ADGRG1: variants seen among roughly 807,000 people sequenced by gnomAD.
The protein encoded by ADGRG1 is 7-transmembrane protein with no EGF-like N-terminal domains-1.
ADGRG1 carries 53 observed loss-of-function variants against 73.5 expected under a neutral mutation model. The ratio of observed to expected loss-of-function variants is 0.72; its 90% CI spans 0.58 to 0.91. The LOEUF is 0.91. Ranked by LOEUF, ADGRG1 falls within the 40% of genes least tolerant of loss-of-function variation. The probability of loss-of-function intolerance (pLI) is 0.00; values close to 1 mark genes in which losing one functional copy is unlikely to be tolerated. For missense variants in ADGRG1, 795 were observed against 871.8 expected (o/e 0.91, Z 1.11); for synonymous variants, 394 against 374.4 (o/e 1.05, Z -0.60).
In ADGRG1 at chr16:57,653,209, C is replaced by A. The variant is rs780179343; in HGVS notation, c.494C>A (p.Pro165His). The A allele has an allele frequency of 1.9e-6, 3 of 1,609,030 alleles. No homozygotes were observed. In the African/African-American group the frequency reaches 4.0e-5, roughly 21 times the overall value. ...CTGTCCACCCCTCCCCCAGGTCCTC[C>A]CCACACGGCCGCTCACAATGCCTCG... Reference protein sequence around the residue: ...ASFTFSFHSPPHTAAHNASVD... With the variant: ...ASFTFSFHSPHHTAAHNASVD... Residue 165 changes from proline (P) to histidine (H), a missense_variant, in exon 4 of 14, where the codon CCC becomes CAC. Coordinates refer to ENST00000562631, the MANE Select transcript of ADGRG1 (RefSeq NM_201525.4).
At chr16:57,635,743 G>A in intron 1 of ADGRG1, 1 of 985,320 alleles carries the variant, frequency 1.0e-6, no homozygotes, top group Non-Finnish European at 1.2e-6. Flanking sequence ...CCATGTCGTT[G>A]CCAGGGCATG....
rs939823789 is a variant in ADGRG1, at chr16:57,658,225, C to T, written c.1286+734C>T. Among the ~76,000 whole-genome samples, 8 of 152,216 alleles carry T rather than the reference C, an allele frequency of 5.3e-5. No homozygotes were observed. The East Asian group carries it at 1.2e-3, about 22-fold the overall frequency. On this transcript the variant is annotated intron_variant, in intron 10 of 13. Transcript: ENST00000562631. ...TCACAGCGGTAATGATCATACTTAACGTGTGTCAAACTTCCCGTGTGCCAT... is the reference window on the plus strand; with the variant it reads ...TCACAGCGGTAATGATCATACTTAATGTGTGTCAAACTTCCCGTGTGCCAT...
In ADGRG1 at chr16:57,659,467, C is replaced by T; in HGVS notation, c.1341C>T (p.Val447=). 2 of 1,613,932 alleles carry T rather than the reference C, an allele frequency of 1.2e-6. No homozygotes were observed. Among genetic ancestry groups the T allele is most frequent in the Non-Finnish European group, 1.7e-6 (2 of 1,179,976 alleles). ...IKVHMNLLLA[V]FLLDTSFLLS... ...TGCACATGAACCTGCTGCTGGCCGT[C>T]TTCCTGCTGGACACGAGCTTCCTGC... The change falls in exon 11 of 14, where the codon GTC becomes GTT. Residue 447 remains valine, a synonymous_variant. Transcript: ENST00000562631.
At chr16:57,663,157 C>T in intron 13 of ADGRG1, 2 of 886,312 alleles carry the variant, frequency 2.3e-6, no homozygotes, top group Non-Finnish European at 2.7e-6. Context: ...AGCCCTGGCT[C>T]AGCCACGTCC....
chr16:57,646,954 G>A (rs2148038522), intron 1 of ADGRG1: 2 of 985,262 alleles, frequency 2.0e-6, no homozygotes, highest in Non-Finnish European at 2.4e-6. Context: ...TTGGTACTGA[G>A]CGCCTGATGG....
At chr16:57,620,921 G>C (rs2034668767) in exon 1 of ADGRG1, 1 of 152,334 alleles carries the variant, frequency 6.6e-6, no homozygotes, top group Non-Finnish European at 1.5e-5. Flanking sequence ...CTCCCCTGCT[G>C]TCCAGGCCTG....
At chr16:57,642,595 C>A in intron 1 of ADGRG1, 1 of 967,780 alleles carries the variant, frequency 1.0e-6, no homozygotes, top group Non-Finnish European at 1.2e-6. Context: ...CTTATCAGAG[C>A]CTTTGATATG....
chr16:57,662,092 G>T lies in ADGRG1; in HGVS notation c.1933+127G>T, dbSNP rs1597683175. On this transcript the variant is annotated intron_variant, in intron 13 of 13. Transcript: ENST00000562631. ...GCCTCAGTCATCCCATTCATAAAAT[G>T]GGGACATCCAGGCCACAGTCAACAA... The T allele has an allele frequency of 3.8e-5, 31 of 808,828 alleles. No individual in the cohort carries two copies. In the East Asian group the frequency reaches 7.7e-4, roughly 20 times the overall value. The allele number at this position is 808,828 out of a possible 1,614,324, so 50.1% of individuals were successfully genotyped here.
At chr16:57,623,838 T>C (rs1390618035), upstream of ADGRG1, 43 of 985,030 alleles carry the variant, frequency 4.4e-5, no homozygotes, top group Non-Finnish European at 5.1e-5. Context: ...CCACAGGAGA[T>C]AGCAGGGAGG....
chr16:57,634,451 C>T (rs1357435136), intron 1 of ADGRG1: 4 of 985,352 alleles, frequency 4.1e-6, no homozygotes, highest in Non-Finnish European at 4.8e-6. Context: ...CAAACTTCCG[C>T]CCCTGGGGCA....
At chr16:57,650,731 C>T (rs1341200820) in intron 2 of ADGRG1, among the ~76,000 whole-genome samples, 16 of 107,218 alleles carry the variant, frequency 1.5e-4, no homozygotes, top group South Asian at 2.9e-4. Flanking sequence ...TTTTTTGAGA[C>T]GGAGTCTTGC....
upstream of ADGRG1, chr16:57,628,254 G>C: frequency 1.1e-6 from 1 of 886,794 alleles, no homozygotes; most frequent in Non-Finnish European, 1.4e-6. Context: ...GGGGGTGGGC[G>C]GACAGCATCC....
rs776564998 is a variant in ADGRG1, at chr16:57,660,860, G to A, written c.1648G>A (p.Val550Ile). 1.9e-5 allele frequency: 30 copies of A among 1,591,806 alleles called. No individual in the cohort carries two copies. The highest frequency in any genetic ancestry group is 8.9e-5 in the East Asian group (4 of 44,772). ...ILAVHRTPEG[V>I]IYPSMCWIRD... ...GGCTGTGCATAGGACTCCAGAGGGC[G>A]TCATCTACCCTTCCATGTGAGTGGC... Residue 550 changes from valine (V) to isoleucine (I), a missense_variant, in exon 12 of 14, where the codon GTC becomes ATC. Transcript: ENST00000562631.
chr16:57,634,304 T>C (rs2038801586), intron 1 of ADGRG1: 2 of 985,364 alleles, frequency 2.0e-6, no homozygotes, highest in South Asian at 9.4e-5. Context: ...GCTTTGATGG[T>C]GACAGATGCT....
At chr16:57,632,367 C>G (rs1336328113) in intron 1 of ADGRG1, 1 of 957,120 alleles carries the variant, frequency 1.0e-6, no homozygotes. Flanking sequence ...GCCTGTGCCT[C>G]GGTTTCCTCA....
At chr16:57,632,781 T>C in intron 1 of ADGRG1, 2 of 985,280 alleles carry the variant, frequency 2.0e-6, no homozygotes, top group Non-Finnish European at 2.4e-6. Context: ...GGAGCTGGCA[T>C]GCTTCCGGGC....
chr16:57,637,994 G>T (rs3916059), intron 1 of ADGRG1, among the ~76,000 whole-genome samples: 2 of 152,030 alleles, frequency 1.3e-5, no homozygotes, highest in Non-Finnish European at 2.9e-5. Context: ...CTCGGTGGGG[G>T]TTCTAACCCC....
rs2045461044 is a variant in ADGRG1 at position 57,655,422 on chromosome 16, G to A, written c.792G>A (p.Glu264=). The change falls in exon 6 of 14, where the codon GAG becomes GAA. Residue 264 remains glutamate (E), a synonymous_variant. Transcript: ENST00000562631. ...AGGAGGAGCAGAGCGAGATCATGGA[G>A]TACTCGGTGCTGCTGCCTCGAACAC... ...RQEEEQSEIM[E]YSVLLPRTLF... The A allele has an allele frequency of 6.2e-7, 1 of 1,613,668 alleles. No individual in the cohort carries two copies. Among genetic ancestry groups the A allele is most frequent in the Non-Finnish European group, 8.5e-7 (1 of 1,180,020 alleles).
intron 1 of ADGRG1, among the ~76,000 whole-genome samples, chr16:57,645,671 GA>G (rs1353182441): frequency 6.6e-6 from 1 of 152,134 alleles, no homozygotes; most frequent in African/African-American, 2.4e-5. Flanking sequence ...CCATCAACGG[GA>G]TGCTTGTTAA....
Sources: allele counts gnomAD v4.1 joint callset (sites outside exome capture counted in the v4.1 genomes callset), GRCh38; gene constraint gnomAD v4.1.1; transcripts MANE v1.5; gene names NCBI Gene and HGNC (gene_info 2026-07-23, HGNC 2026-07-21).